The following UBL3 variants were observed in gnomAD, a reference collection of about 807,000 sequenced individuals.
UBL3 encodes the protein ubiquitin like 3.
In UBL3, 6 loss-of-function variants were observed where a neutral mutation model predicts 18.4. The observed-to-expected ratio is 0.33, with a 90% CI of 0.18 to 0.64. The LOEUF (loss-of-function observed/expected upper bound fraction) is 0.64. Ranked by LOEUF, UBL3 falls within the 30% of genes least tolerant of loss-of-function variation. UBL3 has a pLI of 0.76. For synonymous variants in UBL3, 49 were observed against 46.6 expected (o/e 1.05, Z -0.21); for missense variants, 109 against 142.9 (o/e 0.76, Z 1.21).
intron 1 of UBL3, among the ~76,000 whole-genome samples, chr13:29,792,610 T>A (rs2139325533): frequency 1.3e-5 from 2 of 152,324 alleles, no homozygotes; most frequent in East Asian, 3.9e-4. Context: ...AGTGACACTG[T>A]CACTTAGTGG....
chr13:29,780,367 A>AAAAAATATATAT (rs1359464345), intron 1 of UBL3, among the ~76,000 whole-genome samples: 2 of 103,310 alleles, frequency 1.9e-5, no homozygotes, highest in African/African-American at 4.0e-5. Flanking sequence ...AAAAAAAAAA[A>AAAAAATATATAT]ATATATATAT....
chr13:29,765,402 G>T lies in UBL3; in HGVS notation c.*1853C>A, dbSNP rs553417943. 6.6e-6 allele frequency: 1 copy of T among 151,972 alleles called. No homozygotes were observed. Among genetic ancestry groups the T allele is most frequent in the East Asian group, 1.9e-4 (1 of 5,200 alleles). The allele number at this position is 151,972 out of a possible 1,614,324, so 9.4% of individuals were successfully genotyped here. ...TTGAAGATAACATTTTAGTGATAAC[G>T]GAGACTACATAATTCTATCCATTGT... On this transcript the variant is annotated 3_prime_UTR_variant, in exon 5 of 5. Coordinates refer to ENST00000380680, the MANE Select transcript of UBL3 (RefSeq NM_007106.4).
intron 1 of UBL3, among the ~76,000 whole-genome samples, chr13:29,814,107 T>C (rs1878193680): frequency 6.6e-6 from 1 of 152,154 alleles, no homozygotes. Flanking sequence ...ACAGTAGTTT[T>C]AGGTCTAATT....
chr13:29,830,685 T>C (rs187319077), intron 1 of UBL3, among the ~76,000 whole-genome samples: 13 of 152,378 alleles, frequency 8.5e-5, no homozygotes, highest in African/African-American at 3.1e-4. Flanking sequence ...AAGCAAGTAC[T>C]ATTAATGCCT....
At chr13:29,824,838 A>T (rs1320571643) in intron 1 of UBL3, among the ~76,000 whole-genome samples, 1 of 152,142 alleles carries the variant, frequency 6.6e-6, no homozygotes, top group African/African-American at 2.4e-5. Flanking sequence ...TTATGGTTTT[A>T]GGTCTAACAT....
intron 1 of UBL3, among the ~76,000 whole-genome samples, chr13:29,795,851 G>T (rs1415190331): frequency 6.6e-6 from 1 of 151,596 alleles, no homozygotes; most frequent in Non-Finnish European, 1.5e-5. Context: ...AGGATCACTG[G>T]AGCCCAGAAG....
At chr13:29,814,128 CT>C (rs557672156) in intron 1 of UBL3, among the ~76,000 whole-genome samples, 3 of 151,730 alleles carry the variant, frequency 2.0e-5, no homozygotes, top group Admixed American at 6.6e-5. Context: ...TAGAATCTTT[CT>C]TTTTTTTAAA....
chr13:29,774,735 G>C (rs764253738), intron 2 of UBL3, among the ~76,000 whole-genome samples: 1 of 151,428 alleles, frequency 6.6e-6, no homozygotes, highest in African/African-American at 2.4e-5. Context: ...GGGTCTAAAA[G>C]TCCTCTTCAA....
chr13:29,844,385 T>C (rs966233661), intron 1 of UBL3, among the ~76,000 whole-genome samples: 2 of 152,206 alleles, frequency 1.3e-5, no homozygotes, highest in Non-Finnish European at 2.9e-5. Flanking sequence ...ACAATCTATA[T>C]TAGGTGCCGA....
At chr13:29,789,352 T>A (rs1000323042) in intron 1 of UBL3, among the ~76,000 whole-genome samples, 1 of 152,228 alleles carries the variant, frequency 6.6e-6, no homozygotes, top group Middle Eastern at 3.2e-3. Context: ...TTATGTTATA[T>A]GTATTTTATC....
chr13:29,782,746 G>A (rs1877210025), intron 1 of UBL3, among the ~76,000 whole-genome samples: 1 of 152,180 alleles, frequency 6.6e-6, no homozygotes, highest in South Asian at 2.1e-4. Context: ...CCTTCTGGGT[G>A]GGGAAGGGGG....
At chr13:29,772,952 T>C (rs909988892) in intron 2 of UBL3, among the ~76,000 whole-genome samples, 1 of 152,072 alleles carries the variant, frequency 6.6e-6, no homozygotes, top group African/African-American at 2.4e-5. Flanking sequence ...TCCATTAAAA[T>C]AAAGGTTTAA....
chr13:29,785,049 G>A (rs566759358), intron 1 of UBL3, among the ~76,000 whole-genome samples: 219 of 152,232 alleles, frequency 1.4e-3, no homozygotes, highest in African/African-American at 5.0e-3. Flanking sequence ...GGGACTACAG[G>A]TGCACGCCAC....
intron 2 of UBL3, 78 bp from the exon 3 acceptor site, chr13:29,772,276 G>C: frequency 8.1e-7 from 1 of 1,236,166 alleles, no homozygotes; most frequent in Non-Finnish European, 1.1e-6. Flanking sequence ...TAAAAATTCA[G>C]ATCCAAATCA....
intron 1 of UBL3, among the ~76,000 whole-genome samples, chr13:29,811,925 T>A (rs1042839016): frequency 6.6e-6 from 1 of 152,090 alleles, no homozygotes; most frequent in Admixed American, 6.6e-5. Context: ...TCCAAGTATC[T>A]TCATGCTGCC....
chr13:29,828,554 G>C (rs991247882), intron 1 of UBL3, among the ~76,000 whole-genome samples: 3 of 152,076 alleles, frequency 2.0e-5, no homozygotes, highest in African/African-American at 7.2e-5. Context: ...TCTCTACACT[G>C]GTTATTCTAG....
intron 1 of UBL3, among the ~76,000 whole-genome samples, chr13:29,819,937 TA>T (rs1200423889): frequency 1.3e-5 from 2 of 152,178 alleles, no homozygotes; most frequent in African/African-American, 4.8e-5. Flanking sequence ...ACTGCAAAGA[TA>T]AAATGTCAAC....
rs993933006 is a variant in UBL3 at position 29,815,460 on chromosome 13, T to A, written c.27+34052A>T. Among the ~76,000 whole-genome samples the A allele has an allele frequency of 1.9e-4, 29 of 152,312 alleles. No individual in the cohort carries two copies. In the Middle Eastern group the frequency reaches 0.017, roughly 89 times the overall value. ...AAAAGTATTTTATCCAAGTTAGAAA[T>A]GTGTTAATAACTTCCTGAACAAATA... On this transcript the variant is annotated intron_variant, in intron 1 of 4. Coordinates refer to ENST00000380680, the MANE Select transcript of UBL3 (RefSeq NM_007106.4).
At chr13:29,817,012 C>T (rs746979636) in intron 1 of UBL3, among the ~76,000 whole-genome samples, 2 of 152,134 alleles carry the variant, frequency 1.3e-5, no homozygotes, top group Non-Finnish European at 2.9e-5. Flanking sequence ...ATACAACAAT[C>T]CCCCAAAGAC....
Sources: gnomAD v4.1 joint callset for allele counts (sites outside exome capture counted in the v4.1 genomes callset) on GRCh38, gnomAD v4.1.1 for gene constraint, MANE v1.5 for transcripts, NCBI Gene and HGNC (gene_info 2026-07-23, HGNC 2026-07-21) for gene names.